Variants in EDIL3 observed in about 807,000 individuals in gnomAD.
EDIL3 encodes the protein EGF-like repeat and discoidin I-like domain-containing protein 3.
A neutral mutation model predicts 67.4 loss-of-function variants in EDIL3; 37 were observed. The ratio of observed to expected loss-of-function variants is 0.55; its 90% CI spans 0.42 to 0.72. The LOEUF (loss-of-function observed/expected upper bound fraction) is 0.72. Ranked by LOEUF, EDIL3 falls within the 30% of genes least tolerant of loss-of-function variation. The pLI is 0.00. For missense variants in EDIL3, 527 were observed against 586.3 expected, an observed-to-expected ratio of 0.90 and a Z score of 1.04; for synonymous variants, 195 against 196.3, an observed-to-expected ratio of 0.99 and a Z score of 0.05.
chr5:84,363,391 A>T (rs548594256), intron 1 of EDIL3, among the ~76,000 whole-genome samples: 1 of 151,312 alleles, frequency 6.6e-6, no homozygotes, highest in Non-Finnish European at 1.5e-5. Flanking sequence ...TGGAGGTTGC[A>T]GTGAGCCGAG....
At position 84,138,712 on chromosome 5, in the gene EDIL3, A is replaced by C. The variant is rs543866271; in HGVS notation, c.356-1358T>G. On this transcript the variant is annotated intron_variant, in intron 4 of 10. Coordinates refer to ENST00000296591, the MANE Select transcript of EDIL3 (RefSeq NM_005711.5). ...CCCCTCCAGAAAGCAGAGTTGGTCAACTTCTCATTCTAAGTTCACTGTAGA... is the reference window on the plus strand; with the variant it reads ...CCCCTCCAGAAAGCAGAGTTGGTCACCTTCTCATTCTAAGTTCACTGTAGA... Among the ~76,000 whole-genome samples, 19 of 152,272 alleles carry C rather than the reference A, an allele frequency of 1.2e-4. No individual in the cohort carries two copies. The South Asian group carries it at 3.5e-3, about 28-fold the overall frequency.
intron 9 of EDIL3, among the ~76,000 whole-genome samples, chr5:83,995,206 A>T (rs1745218386): frequency 6.6e-6 from 1 of 151,448 alleles, no homozygotes; most frequent in Non-Finnish European, 1.5e-5. Context: ...ACAACACTTC[A>T]TTATGTTAGA....
chr5:84,106,798 T>C lies in EDIL3; in HGVS notation c.502A>G (p.Ile168Val), dbSNP rs1747472690. ...GCTGTGATTTGCTGGTTTGATATAA[T>C]TCCACCTTCAATTCCCAGTGGGCCT... Reference protein sequence around the residue: ...CSGPLGIEGGIISNQQITASS... With the variant: ...CSGPLGIEGGVISNQQITASS... The change falls in exon 6 of 11, where the codon ATT (isoleucine) becomes GTT (valine). Residue 168 changes from isoleucine (I) to valine (V), a missense_variant. By Grantham distance (29) the Ile-to-Val change is conservative. Transcript: ENST00000296591. 6.2e-7 allele frequency: 1 copy of C among 1,609,830 alleles called. No homozygotes were observed. Among genetic ancestry groups the C allele is most frequent in the African/African-American group, 1.3e-5 (1 of 74,636 alleles).
chr5:84,084,603 G>C (rs1246051498), intron 6 of EDIL3, among the ~76,000 whole-genome samples: 2 of 152,028 alleles, frequency 1.3e-5, no homozygotes, highest in Non-Finnish European at 2.9e-5. Context: ...TATTACACGT[G>C]CATTTTGCTT....
At chr5:84,111,489 GA>G (rs1747563981) in intron 5 of EDIL3, among the ~76,000 whole-genome samples, 1 of 152,092 alleles carries the variant, frequency 6.6e-6, no homozygotes, top group Non-Finnish European at 1.5e-5. Context: ...ATTCAGTTTT[GA>G]AAATACGTGT....
chr5:84,365,656 A>C (rs747149425), intron 1 of EDIL3, among the ~76,000 whole-genome samples: 5 of 152,158 alleles, frequency 3.3e-5, no homozygotes, highest in Non-Finnish European at 7.4e-5. Flanking sequence ...TAATAAAAAC[A>C]TATATCATAT....
intron 9 of EDIL3, among the ~76,000 whole-genome samples, chr5:84,012,632 A>T (rs1745536768): frequency 1.3e-5 from 2 of 152,244 alleles, no homozygotes; most frequent in South Asian, 4.1e-4. Context: ...TATTTTAGTA[A>T]ATTACTCAGT....
At chr5:84,325,781 A>G (rs1433232778) in intron 1 of EDIL3, among the ~76,000 whole-genome samples, 1 of 152,132 alleles carries the variant, frequency 6.6e-6, no homozygotes, top group Non-Finnish European at 1.5e-5. Flanking sequence ...TGGTGTATAA[A>G]TACAATGGAA....
chr5:84,055,658 G>A (rs777161133), intron 9 of EDIL3, among the ~76,000 whole-genome samples: 1 of 151,906 alleles, frequency 6.6e-6, no homozygotes, highest in Non-Finnish European at 1.5e-5. Context: ...GGATATGAAT[G>A]GACACTTCTC....
chr5:84,290,944 A>G (rs1745901712), intron 1 of EDIL3, among the ~76,000 whole-genome samples: 1 of 152,170 alleles, frequency 6.6e-6, no homozygotes, highest in Admixed American at 6.5e-5. Context: ...ATGCCACTGA[A>G]CATTTGTGAT....
chr5:84,084,626 T>A (rs1747034602), intron 6 of EDIL3, among the ~76,000 whole-genome samples: 1 of 152,190 alleles, frequency 6.6e-6, no homozygotes, highest in African/African-American at 2.4e-5. Flanking sequence ...AAATAACAAC[T>A]AAAAGTATTT....
chr5:84,325,466 T>TA (rs199887126), intron 1 of EDIL3, among the ~76,000 whole-genome samples: 3,298 of 151,378 alleles, frequency 0.022, 46 homozygotes, highest in Non-Finnish European at 0.033. Context: ...ATGATTATAA[T>TA]AAAAAAAACA....
chr5:84,311,779 G>A (rs887667884), intron 1 of EDIL3, among the ~76,000 whole-genome samples: 1 of 152,076 alleles, frequency 6.6e-6, no homozygotes, highest in Admixed American at 6.5e-5. Flanking sequence ...GCATGCTGCC[G>A]TCAAGCATCT....
At chr5:84,121,074 A>T (rs575427507) in intron 5 of EDIL3, among the ~76,000 whole-genome samples, 1 of 152,022 alleles carries the variant, frequency 6.6e-6, no homozygotes, top group African/African-American at 2.4e-5. Flanking sequence ...TGTCTACAGT[A>T]TACGTTATCT....
intron 5 of EDIL3, among the ~76,000 whole-genome samples, chr5:84,122,833 T>C (rs922230663): frequency 2.6e-5 from 4 of 151,982 alleles, no homozygotes; most frequent in African/African-American, 9.7e-5. Flanking sequence ...CTGTTATTCA[T>C]TCAACATTTA....
rs375575798 is a variant in EDIL3, at chr5:83,942,704, T to C, written c.*715A>G. 2 of 152,162 alleles carry C rather than the reference T, an allele frequency of 1.3e-5. No homozygotes were observed. The highest frequency in any genetic ancestry group is 4.8e-5 in the African/African-American group (2 of 41,562). The allele number at this position is 152,162 out of a possible 1,614,324, so 9.4% of individuals were successfully genotyped here. ...TCAATCTACTGATAGGCAGTCATGT[T>C]CTACATATATGAGTAAACATGACAC... is the stretch of plus-strand genomic sequence containing the variant. On this transcript the variant is annotated 3_prime_UTR_variant, in exon 11 of 11. Transcript: ENST00000296591.
chr5:83,981,826 T>C (rs1744976170), intron 9 of EDIL3, among the ~76,000 whole-genome samples: 1 of 152,078 alleles, frequency 6.6e-6, no homozygotes, highest in Non-Finnish European at 1.5e-5. Flanking sequence ...TAACTAACAT[T>C]AAGTCATTCA....
intron 1 of EDIL3, among the ~76,000 whole-genome samples, chr5:84,268,669 C>G (rs1363118940): frequency 1.3e-5 from 2 of 152,126 alleles, no homozygotes; most frequent in Admixed American, 1.3e-4. Context: ...GATTCACGCA[C>G]TTTTATTGTT....
intron 1 of EDIL3, among the ~76,000 whole-genome samples, chr5:84,264,947 T>G (rs1006126461): frequency 6.6e-6 from 1 of 152,204 alleles, no homozygotes; most frequent in Non-Finnish European, 1.5e-5. Context: ...TCTTACTTTT[T>G]CTAAGCGTAA....
Sources: gnomAD v4.1 joint callset for allele counts (sites outside exome capture counted in the v4.1 genomes callset) on GRCh38, gnomAD v4.1.1 for gene constraint, MANE v1.5 for transcripts, NCBI Gene and HGNC (gene_info 2026-07-23, HGNC 2026-07-21) for gene names.